The following RCAN2 variants were observed in gnomAD, a reference collection of about 807,000 sequenced individuals.
The protein encoded by RCAN2 is calcipressin-2.
RCAN2 carries 9 observed loss-of-function variants against 23.6 expected under a neutral mutation model. The ratio of observed to expected loss-of-function variants is 0.38; its 90% CI spans 0.23 to 0.67. RCAN2 has a LOEUF of 0.67. Ranked by LOEUF, RCAN2 falls within the 30% of genes least tolerant of loss-of-function variation. The pLI is 0.51. For missense variants in RCAN2, 273 were observed against 302.3 expected, an observed-to-expected ratio of 0.90 and a Z score of 0.72; for synonymous variants, 109 against 115.7, an observed-to-expected ratio of 0.94 and a Z score of 0.37.
intron 2 of RCAN2, among the ~76,000 whole-genome samples, chr6:46,255,663 C>T (rs990993301): frequency 2.6e-5 from 4 of 152,056 alleles, no homozygotes; most frequent in Admixed American, 6.6e-5. Context: ...CGGTGACCAC[C>T]GACTCAGGAG....
At chr6:46,417,331 G>A (rs1766740347) in intron 2 of RCAN2, among the ~76,000 whole-genome samples, 1 of 152,090 alleles carries the variant, frequency 6.6e-6, no homozygotes, top group African/African-American at 2.4e-5. Flanking sequence ...TTGTTTGGAT[G>A]TGCATATCTT....
intron 2 of RCAN2, among the ~76,000 whole-genome samples, chr6:46,327,203 G>C (rs2150365005): frequency 6.6e-6 from 1 of 152,300 alleles, no homozygotes. Flanking sequence ...GGTGATGGCT[G>C]AATAGGTATA....
upstream of RCAN2, chr6:46,491,510 C>G (rs1393546454): frequency 6.6e-6 from 1 of 152,212 alleles, no homozygotes; most frequent in Non-Finnish European, 1.5e-5. Flanking sequence ...GTCCCCAGCT[C>G]CGACTCATCG....
At chr6:46,224,404 T>C (rs1765578059) in intron 4 of RCAN2, among the ~76,000 whole-genome samples, 1 of 152,204 alleles carries the variant, frequency 6.6e-6, no homozygotes, top group South Asian at 2.1e-4. Flanking sequence ...CAAGTATAAA[T>C]TTTGTAGTCT....
At chr6:46,375,563 C>T (rs1030837881) in intron 2 of RCAN2, among the ~76,000 whole-genome samples, 7 of 152,216 alleles carry the variant, frequency 4.6e-5, no homozygotes, top group African/African-American at 1.4e-4. Flanking sequence ...AAATTTTTCT[C>T]TGCCCCACAT....
chr6:46,420,914 G>GT (rs1021851512), intron 2 of RCAN2, among the ~76,000 whole-genome samples: 54 of 152,230 alleles, frequency 3.5e-4, no homozygotes, highest in African/African-American at 1.3e-3. Flanking sequence ...TCCATAATGT[G>GT]TTTTTAACAT....
intron 2 of RCAN2, among the ~76,000 whole-genome samples, chr6:46,449,943 G>T (rs1003253511): frequency 6.6e-6 from 1 of 151,832 alleles, no homozygotes; most frequent in South Asian, 2.1e-4. Context: ...AAAAGCACAG[G>T]CAACAAAAGC....
chr6:46,392,827 T>C (rs949967016), intron 2 of RCAN2, among the ~76,000 whole-genome samples: 1 of 152,166 alleles, frequency 6.6e-6, no homozygotes, highest in Non-Finnish European at 1.5e-5. Context: ...AGAAAATTGA[T>C]GAATTGGAGC....
chr6:46,249,317 CTTTT>C (rs11331303), intron 2 of RCAN2, among the ~76,000 whole-genome samples: 4 of 97,116 alleles, frequency 4.1e-5, no homozygotes, highest in Admixed American at 1.0e-4. Flanking sequence ...TTCTTTCTTT[CTTTT>C]TTTTTTTTTT....
chr6:46,364,480 A>G (rs943068855), intron 2 of RCAN2, among the ~76,000 whole-genome samples: 10 of 152,204 alleles, frequency 6.6e-5, no homozygotes, highest in Admixed American at 2.0e-4. Flanking sequence ...AAGTTCTCCA[A>G]TACTACCTAG....
chr6:46,325,337 T>G, intron 2 of RCAN2: 1 of 1,598,396 alleles, frequency 6.3e-7, no homozygotes, highest in South Asian at 1.1e-5. Flanking sequence ...CTAAAAAGGC[T>G]CTGCCAAGCA....
intron 2 of RCAN2, among the ~76,000 whole-genome samples, chr6:46,420,382 C>T (rs575611852): frequency 9.9e-5 from 15 of 152,156 alleles, no homozygotes; most frequent in African/African-American, 3.6e-4. Context: ...GTTAAGAATC[C>T]ATCAGGAATC....
At chr6:46,457,011 A>G in intron 1 of RCAN2, 33 bp from the exon 2 acceptor site, 1 of 1,461,770 alleles carries the variant, frequency 6.8e-7, no homozygotes, top group South Asian at 1.2e-5. Flanking sequence ...GTGTTACTGC[A>G]GAACAAATTC....
At chr6:46,395,589 T>G in intron 2 of RCAN2, among the ~76,000 whole-genome samples, 1 of 152,228 alleles carries the variant, frequency 6.6e-6, no homozygotes, top group Admixed American at 6.5e-5. Flanking sequence ...GTTTCAGTAA[T>G]ATACCTTTAA....
chr6:46,449,677 C>T (rs1767817807), intron 2 of RCAN2, among the ~76,000 whole-genome samples: 1 of 151,744 alleles, frequency 6.6e-6, no homozygotes, highest in Admixed American at 6.6e-5. Context: ...CATGGATTTA[C>T]AGTCAATTGA....
At chr6:46,377,884 C>A (rs567935999) in intron 2 of RCAN2, among the ~76,000 whole-genome samples, 54 of 152,246 alleles carry the variant, frequency 3.5e-4, no homozygotes, top group Admixed American at 6.5e-4. Context: ...GATATCCGCT[C>A]CATACCACAA....
At chr6:46,445,623 G>C (rs376346621) in intron 2 of RCAN2, among the ~76,000 whole-genome samples, 1 of 151,992 alleles carries the variant, frequency 6.6e-6, no homozygotes, top group Non-Finnish European at 1.5e-5. Context: ...GCCTGACAAA[G>C]AATTCAAAAT....
chr6:46,340,155 T>C (rs1223683106), intron 2 of RCAN2, among the ~76,000 whole-genome samples: 2 of 152,182 alleles, frequency 1.3e-5, no homozygotes, highest in Non-Finnish European at 2.9e-5. Context: ...TCTGAGATCT[T>C]CTACCCTAGT....
intron 2 of RCAN2, among the ~76,000 whole-genome samples, chr6:46,380,304 G>T (rs967556812): frequency 2.6e-5 from 4 of 152,200 alleles, no homozygotes; most frequent in African/African-American, 9.6e-5. Flanking sequence ...TCTCACCTCA[G>T]TTCAGGTCAG....
Sources: gnomAD v4.1 joint callset for allele counts (sites outside exome capture counted in the v4.1 genomes callset) on GRCh38, gnomAD v4.1.1 for gene constraint, MANE v1.5 for transcripts, NCBI Gene and HGNC (gene_info 2026-07-23, HGNC 2026-07-21) for gene names.